The following ARHGEF18 variants were observed in gnomAD, a reference collection of about 807,000 sequenced individuals.
ARHGEF18 encodes the protein Rho/Rac guanine nucleotide exchange factor 18.
Under a neutral mutation model 155.7 loss-of-function variants are expected in ARHGEF18, and 93 were observed. The ratio of observed to expected loss-of-function variants is 0.60; its 90% CI spans 0.50 to 0.71. The LOEUF is 0.71. Among genes scored for constraint, ARHGEF18 ranks in the 30% least tolerant of loss-of-function variants. ARHGEF18 has a pLI of 0.00. For synonymous variants in ARHGEF18, 742 were observed against 753.1 expected (o/e 0.99, Z 0.24); for missense variants, 1,593 against 1,816.1 (o/e 0.88, Z 2.23).
intron 10 of ARHGEF18, among the ~76,000 whole-genome samples, chr19:7,393,832 C>T (rs975091629): frequency 4.1e-5 from 6 of 147,724 alleles, no homozygotes; most frequent in African/African-American, 1.3e-4. Flanking sequence ...ATCTGCTGGA[C>T]CTATGTGGAG....
chr19:7,374,893 C>T (rs1970363246), intron 3 of ARHGEF18, among the ~76,000 whole-genome samples: 1 of 152,146 alleles, frequency 6.6e-6, no homozygotes, highest in Admixed American at 6.6e-5. Flanking sequence ...CCATGCACCC[C>T]ACAGTGGCAG....
rs60015151 is a variant in ARHGEF18, at chr19:7,393,047, CAAAAAAA to C, written c.967+9863_967+9869del. ...TAAGTGACAGAGTGAGATCCTGTCTCAAAAAAAAAAAAAAAAAAAAAAAAAGGAAAAA... is the reference window on the plus strand; with the variant it reads ...TAAGTGACAGAGTGAGATCCTGTCTCAAAAAAAAAAAAAAAAAAGGAAAAA... On this transcript the variant is annotated intron_variant, in intron 10 of 28. Coordinates refer to ENST00000668164, the MANE Select transcript of ARHGEF18 (RefSeq NM_001367823.1). 2.4e-3 allele frequency among the ~76,000 whole-genome samples: 135 copies of C among 56,672 alleles called. 1 individual carries two copies. Among genetic ancestry groups the C allele is most frequent in the East Asian group, 7.6e-3 (18 of 2,370 alleles). 37.2% of individuals were successfully genotyped at this position (56,672 alleles called of 152,430 possible).
At position 7,469,808 on chromosome 19, in the gene ARHGEF18, TG is replaced by T. The variant is rs990918671; in HGVS notation, c.3788-91del. The T allele has an allele frequency of 9.6e-6, 14 of 1,453,166 alleles. No homozygotes were observed. The African/African-American group carries it at 1.7e-4, about 18-fold the overall frequency. The allele number at this position is 1,453,166 out of a possible 1,614,324, so 90.0% of individuals were successfully genotyped here. On this transcript the variant is annotated intron_variant, in intron 27 of 28. Transcript: ENST00000668164. ...CAGGCCGCCCGTGGGAAGTGTCAGG[TG>T]GGGGTGGCCAGGCCCCTCTGCTCTC...
rs1219829676 is a variant in ARHGEF18, at chr19:7,362,853, G to A, written c.-38G>A. The A allele has an allele frequency of 1.5e-5, 19 of 1,234,338 alleles. No individual in the cohort carries two copies. Among genetic ancestry groups the A allele is most frequent in the Non-Finnish European group, 1.9e-5 (19 of 988,184 alleles). The allele number at this position is 1,234,338 out of a possible 1,614,324, so 76.5% of individuals were successfully genotyped here. ...GCTTCAGCCACCAAGAGCAGCAGTG[G>A]ATCCTGGAAACCTGAGAACCCAGAC... On this transcript the variant is annotated 5_prime_UTR_variant, in exon 2 of 29. Transcript: ENST00000668164.
intron 2 of ARHGEF18, among the ~76,000 whole-genome samples, chr19:7,367,100 T>C (rs1969920289): frequency 6.6e-6 from 1 of 152,304 alleles, no homozygotes; most frequent in African/African-American, 2.4e-5. Flanking sequence ...TATATTATTC[T>C]ATCCGCCAAG....
At chr19:7,454,767 C>T (rs1243033536) in intron 17 of ARHGEF18, among the ~76,000 whole-genome samples, 2 of 152,094 alleles carry the variant, frequency 1.3e-5, no homozygotes, top group East Asian at 1.9e-4. Context: ...CAATGGAAAC[C>T]CAGGGCATTG....
rs1327191223 is a variant in ARHGEF18, at chr19:7,398,206, A to G, written c.967+15003A>G. Among the ~76,000 whole-genome samples the G allele has an allele frequency of 3.3e-5, 5 of 151,806 alleles. No individual in the cohort carries two copies. The East Asian group carries it at 9.8e-4, about 30-fold the overall frequency. On this transcript the variant is annotated intron_variant, in intron 10 of 28. Coordinates refer to ENST00000668164, the MANE Select transcript of ARHGEF18 (RefSeq NM_001367823.1). ...CGCCTCAGCCTCCCGAGTAGCTGGG[A>G]TTACAGGTGTGTGCCACCACGCCCA...
chr19:7,411,638 T>C (rs1972693713), intron 10 of ARHGEF18, among the ~76,000 whole-genome samples: 2 of 152,100 alleles, frequency 1.3e-5, no homozygotes, highest in Non-Finnish European at 2.9e-5. Context: ...AAATCATTTT[T>C]TAAGTGCACA....
In ARHGEF18 at chr19:7,395,296, G is replaced by A. The variant is rs560199333; in HGVS notation, c.967+12093G>A. On this transcript the variant is annotated intron_variant, in intron 10 of 28. Coordinates refer to ENST00000668164, the MANE Select transcript of ARHGEF18 (RefSeq NM_001367823.1). This position sits in a 1 kb window ranked among gnomAD's most constrained non-coding sequence, Gnocchi z 5.0. ...CCGAGGAAAACGGGGCTCAGGAGGG[G>A]GCCCTCGGTCTCTTCAGGGGGTGGC... is the stretch of plus-strand genomic sequence containing the variant. 110 of 985,690 alleles carry A rather than the reference G, an allele frequency of 1.1e-4. No homozygotes were observed. The highest frequency in any genetic ancestry group is 1.3e-4 in the Non-Finnish European group (110 of 830,252). The allele number at this position is 985,690 out of a possible 1,614,324, so 61.1% of individuals were successfully genotyped here.
At chr19:7,380,294 T>C (rs113406333) in intron 7 of ARHGEF18, among the ~76,000 whole-genome samples, 2,670 of 151,516 alleles carry the variant, frequency 0.018, 79 homozygotes, top group African/African-American at 0.06. Context: ...CTGACTAACA[T>C]GGTGAAACCC....
chr19:7,412,864 C>T (rs1432288662), intron 10 of ARHGEF18, among the ~76,000 whole-genome samples: 3 of 151,968 alleles, frequency 2.0e-5, no homozygotes, highest in African/African-American at 7.3e-5. Context: ...GCTGACTGGT[C>T]GTTTGTATCT....
chr19:7,440,286 G>A lies in ARHGEF18; in HGVS notation c.968-58G>A, dbSNP rs1317528299. ...GTCGGAGCGGGGCTTCCGCGCCGGG[G>A]ACCTCCGCTACCCGACCCACTTTCT... On this transcript the variant is annotated intron_variant, in intron 10 of 28. Coordinates refer to ENST00000668164, the MANE Select transcript of ARHGEF18 (RefSeq NM_001367823.1). The surrounding 1 kb of genome is among the most constrained non-coding windows in gnomAD (Gnocchi z 5.4). 2 of 1,574,524 alleles carry A rather than the reference G, an allele frequency of 1.3e-6. No homozygotes were observed. The highest frequency in any genetic ancestry group is 1.2e-5 in the South Asian group (1 of 86,772).
At chr19:7,449,648 T>G (rs1975233355) in intron 15 of ARHGEF18, among the ~76,000 whole-genome samples, 1 of 152,032 alleles carries the variant, frequency 6.6e-6, no homozygotes, top group Non-Finnish European at 1.5e-5. Flanking sequence ...TGACAGATGA[T>G]TTCCATAATA....
chr19:7,426,349 T>C (rs927432476), intron 10 of ARHGEF18, among the ~76,000 whole-genome samples: 2 of 151,662 alleles, frequency 1.3e-5, no homozygotes, highest in African/African-American at 4.8e-5. Flanking sequence ...TAGCCGGGCG[T>C]GGTGGAACGT....
chr19:7,371,591 C>T (rs1275165311), intron 2 of ARHGEF18, among the ~76,000 whole-genome samples: 1 of 152,092 alleles, frequency 6.6e-6, no homozygotes, highest in Non-Finnish European at 1.5e-5. Context: ...GAGGCCGAGG[C>T]AGTTGAATTG....
At position 7,373,064 on chromosome 19, in the gene ARHGEF18, T is replaced by G; in HGVS notation, c.268T>G (p.Trp90Gly). 3.2e-6 allele frequency: 4 copies of G among 1,234,506 alleles called. No individual in the cohort carries two copies. The highest frequency in any genetic ancestry group is 4.0e-6 in the Non-Finnish European group (4 of 988,278). 76.5% of individuals were successfully genotyped at this position (1,234,506 alleles called of 1,614,324 possible). Residue 90 changes from tryptophan (W) to glycine (G), a missense_variant, in exon 3 of 29, where the codon TGG (tryptophan) becomes GGG (glycine). Coordinates refer to ENST00000668164, the MANE Select transcript of ARHGEF18 (RefSeq NM_001367823.1). ...AAGGTCGCGGAGCTGCTCAGAGAGC[T>G]GGCGGAGGTCAGTTCCCCACTGCTG... The part of the protein sequence containing the change: ...WERSRSCSES[W>G]RRLSLDASAV...
chr19:7,363,465 T>C (rs763958670), intron 2 of ARHGEF18, among the ~76,000 whole-genome samples: 8 of 148,080 alleles, frequency 5.4e-5, no homozygotes, highest in Non-Finnish European at 9.0e-5. Flanking sequence ...ATGGGTGGAT[T>C]AAAGGAAGGA....
rs1005527737 is a variant in ARHGEF18, at chr19:7,425,719, G to C, written c.968-14625G>C. Among the ~76,000 whole-genome samples, 6 of 151,460 alleles carry C rather than the reference G, an allele frequency of 4.0e-5. No homozygotes were observed. In the South Asian group the frequency reaches 1.3e-3, roughly 32 times the overall value. On this transcript the variant is annotated intron_variant, in intron 10 of 28. Transcript: ENST00000668164. ...AAAAGCTTATTAAGAATTATGAGAG[G>C]CCGGGCACAGTGGCTCATGCCTGTA...
chr19:7,368,859 G>A (rs1347791552), intron 2 of ARHGEF18, among the ~76,000 whole-genome samples: 1 of 152,140 alleles, frequency 6.6e-6, no homozygotes, highest in Admixed American at 6.5e-5. Flanking sequence ...AGCTAGAGCT[G>A]TGGCTCTTTA....
Sources: gnomAD v4.1 joint callset for allele counts (sites outside exome capture counted in the v4.1 genomes callset) on GRCh38, gnomAD v4.1.1 for gene constraint, Gnocchi (gnomAD v3.1) non-coding constraint, MANE v1.5 for transcripts, NCBI Gene and HGNC (gene_info 2026-07-23, HGNC 2026-07-21) for gene names.